ADGRL3: variants seen among roughly 807,000 people sequenced by gnomAD.
ADGRL3 encodes the protein calcium-independent alpha-latrotoxin receptor 3.
A neutral mutation model predicts 153.5 loss-of-function variants in ADGRL3; 62 were observed. The observed-to-expected ratio is 0.40, with a 90% confidence interval of 0.33 to 0.50. ADGRL3 has a LOEUF of 0.50. Among genes scored for constraint, ADGRL3 ranks in the 20% least tolerant of loss-of-function variants. The pLI, the probability that ADGRL3 is intolerant of heterozygous loss-of-function variation, is 0.47. For synonymous variants in ADGRL3, 710 were observed against 672.5 expected (o/e 1.06, Z -0.86); for missense variants, 1,641 against 1,859.4 (o/e 0.88, Z 2.16).
intron 2 of ADGRL3, among the ~76,000 whole-genome samples, chr4:61,442,284 G>A (rs1015190386): frequency 4.6e-5 from 7 of 152,190 alleles, no homozygotes; most frequent in Admixed American, 3.3e-4. Context: ...AGGAGATAAT[G>A]TTAACTTTTG....
intron 1 of ADGRL3, among the ~76,000 whole-genome samples, chr4:61,230,996 A>C (rs1428503767): frequency 6.6e-6 from 1 of 152,150 alleles, no homozygotes; most frequent in African/African-American, 2.4e-5. Flanking sequence ...ATGCTTATTT[A>C]AAAATTACTT....
intron 4 of ADGRL3, among the ~76,000 whole-genome samples, chr4:61,568,260 C>A (rs1366390881): frequency 6.6e-6 from 1 of 152,046 alleles, no homozygotes; most frequent in Non-Finnish European, 1.5e-5. Flanking sequence ...GCAAGACATG[C>A]CCAAACAAAC....
chr4:61,371,486 A>G (rs1456150356), intron 1 of ADGRL3, among the ~76,000 whole-genome samples: 1 of 151,286 alleles, frequency 6.6e-6, no homozygotes. Context: ...TCCTTCACTT[A>G]TGAAGCTTAG....
intron 1 of ADGRL3, among the ~76,000 whole-genome samples, chr4:61,278,804 C>T (rs1379628529): frequency 6.6e-6 from 1 of 152,150 alleles, no homozygotes; most frequent in Non-Finnish European, 1.5e-5. Flanking sequence ...CTGCACCTGG[C>T]CGTGGTACTA....
At chr4:61,505,220 A>G (rs1412832592) in intron 3 of ADGRL3, among the ~76,000 whole-genome samples, 2 of 152,036 alleles carry the variant, frequency 1.3e-5, no homozygotes, top group East Asian at 1.9e-4. Context: ...AGCATTTTTC[A>G]TTTACCCGTT....
chr4:61,203,872 A>T (rs993243521), intron 1 of ADGRL3, among the ~76,000 whole-genome samples: 1 of 151,598 alleles, frequency 6.6e-6, no homozygotes, highest in Admixed American at 6.6e-5. Context: ...AGTTAAGAGG[A>T]TATTTGTGTG....
At chr4:61,427,885 G>A (rs111788530) in intron 2 of ADGRL3, 5,299 of 152,870 alleles carry the variant, frequency 0.035, 108 homozygotes, top group South Asian at 0.084. Flanking sequence ...CAACTCTGCC[G>A]GCAAAGGCTC....
chr4:61,302,188 A>G (rs2880363), intron 1 of ADGRL3, among the ~76,000 whole-genome samples: 70,651 of 151,898 alleles, frequency 0.47, 18,276 homozygotes, highest in East Asian at 0.71. Context: ...TGTTTCCTAG[A>G]TTAGGTGGGC....
intron 11 of ADGRL3, among the ~76,000 whole-genome samples, chr4:61,896,704 G>A (rs551748704): frequency 2.6e-5 from 4 of 152,166 alleles, no homozygotes; most frequent in South Asian, 4.1e-4. Context: ...GAAGAATAGT[G>A]GTTATATTGA....
intron 4 of ADGRL3, among the ~76,000 whole-genome samples, chr4:61,527,657 G>A (rs915391377): frequency 3.9e-5 from 6 of 152,150 alleles, no homozygotes; most frequent in South Asian, 2.1e-4. Context: ...TTTGTAAGAT[G>A]TTGATGTAAA....
intron 9 of ADGRL3, among the ~76,000 whole-genome samples, chr4:61,848,000 TAA>T (rs2098152534): frequency 7.3e-5 from 1 of 13,780 alleles, no homozygotes; most frequent in African/African-American, 2.5e-4. Context: ...ATATATAATA[TAA>T]AATATATTAT....
At chr4:61,476,283 G>A (rs1053955305) in intron 2 of ADGRL3, among the ~76,000 whole-genome samples, 3 of 151,842 alleles carry the variant, frequency 2.0e-5, no homozygotes, top group African/African-American at 7.3e-5. Context: ...GGAGTGCAGC[G>A]GGTGGACGAT....
chr4:61,371,083 G>A (rs1207969566), intron 1 of ADGRL3, among the ~76,000 whole-genome samples: 1 of 149,636 alleles, frequency 6.7e-6, no homozygotes, highest in East Asian at 2.0e-4. Flanking sequence ...CATTTGCTTG[G>A]TAGATCTTCC....
At chr4:61,845,336 A>G (rs1458712754) in intron 9 of ADGRL3, among the ~76,000 whole-genome samples, 2 of 150,928 alleles carry the variant, frequency 1.3e-5, no homozygotes, top group Non-Finnish European at 3.0e-5. Flanking sequence ...CTTTTTATTT[A>G]TTAATTAACT....
intron 9 of ADGRL3, among the ~76,000 whole-genome samples, chr4:61,827,168 T>A (rs2097815922): frequency 2.0e-5 from 3 of 152,174 alleles, no homozygotes; most frequent in Admixed American, 2.0e-4. Context: ...GGTTAAAGCC[T>A]TTGCTAAGCA....
chr4:61,312,977 C>G (rs779351582), intron 1 of ADGRL3, among the ~76,000 whole-genome samples: 7 of 152,106 alleles, frequency 4.6e-5, no homozygotes, highest in South Asian at 2.1e-4. Flanking sequence ...ACCAAGATAT[C>G]TTTCAATAAG....
intron 4 of ADGRL3, among the ~76,000 whole-genome samples, chr4:61,542,550 C>A (rs2098695177): frequency 6.6e-6 from 1 of 152,138 alleles, no homozygotes; most frequent in South Asian, 2.1e-4. Context: ...GCATTTATTT[C>A]TTTTAATGCA....
chr4:61,494,285 T>G (rs2098288966), intron 2 of ADGRL3, among the ~76,000 whole-genome samples: 1 of 152,214 alleles, frequency 6.6e-6, no homozygotes. Flanking sequence ...TGTATGCACG[T>G]GTATGTGTAT....
chr4:62,021,724 G>A (rs937550532), intron 21 of ADGRL3, among the ~76,000 whole-genome samples: 1 of 151,880 alleles, frequency 6.6e-6, no homozygotes, highest in Non-Finnish European at 1.5e-5. Flanking sequence ...TATCTGTTAG[G>A]GTTATCTGTG....
Sources: allele counts gnomAD v4.1 joint callset (sites outside exome capture counted in the v4.1 genomes callset), GRCh38; gene constraint gnomAD v4.1.1; transcripts MANE v1.5; gene names NCBI Gene and HGNC (gene_info 2026-07-23, HGNC 2026-07-21).